The following DNASE2B variants were observed in gnomAD, a reference collection of about 807,000 sequenced individuals.
The protein encoded by DNASE2B is deoxyribonuclease 2 beta, also known as deoxyribonuclease-2-beta.
DNASE2B carries 43 observed loss-of-function variants against 46.0 expected under a neutral mutation model. That is an observed-to-expected ratio of 0.94 (90% CI 0.73 to 1.21). DNASE2B has a LOEUF of 1.21. Ranked by LOEUF, DNASE2B falls within the 50% of genes most tolerant of loss-of-function variation. The pLI, the probability that DNASE2B is intolerant of heterozygous loss-of-function variation, is 0.00. For synonymous variants in DNASE2B, 156 were observed against 152.5 expected (o/e 1.02, Z -0.17); for missense variants, 395 against 414.4 (o/e 0.95, Z 0.41).
In DNASE2B at chr1:84,414,786, G is replaced by A; in HGVS notation, c.1004G>A (p.Ser335Asn). The A allele has an allele frequency of 6.2e-7, 1 of 1,614,170 alleles. No individual in the cohort carries two copies. Among genetic ancestry groups the A allele is most frequent in the South Asian group, 1.1e-5 (1 of 91,074 alleles). Residue 335 changes from serine (S) to asparagine (N), a missense_variant, in exon 6 of 6, where the codon AGT becomes AAT. Transcript: ENST00000370665. The stretch of plus-strand genomic sequence containing the variant: ...CGGAGTCCACACCAAGCCTTCAGAA[G>A]TGGAGGATTCATTTGTACCCAGAAT... Reference protein sequence around the residue: ...LNRSPHQAFRSGGFICTQNWQ... With the variant: ...LNRSPHQAFRNGGFICTQNWQ...
At chr1:84,404,012 A>G (rs1680462046) in intron 2 of DNASE2B, among the ~76,000 whole-genome samples, 1 of 130,258 alleles carries the variant, frequency 7.7e-6, no homozygotes, top group South Asian at 2.4e-4. Flanking sequence ...TCATGATGTT[A>G]CCCAGGCTAG....
chr1:84,411,430 GTGTGTGT>G (rs1680591344), intron 4 of DNASE2B, among the ~76,000 whole-genome samples: 1 of 1,612 alleles, frequency 6.2e-4, no homozygotes, highest in African/African-American at 7.7e-4. Context: ...CCTAGGGTGT[GTGTGTGT>G]GTGTGTGTGT....
At chr1:84,408,915 T>C (rs1297997913) in intron 3 of DNASE2B, among the ~76,000 whole-genome samples, 1 of 151,842 alleles carries the variant, frequency 6.6e-6, no homozygotes, top group African/African-American at 2.4e-5. Flanking sequence ...TATTGAAGTA[T>C]GATTTATAGA....
chr1:84,400,617 G>C (rs556978621), intron 1 of DNASE2B, among the ~76,000 whole-genome samples: 1 of 152,162 alleles, frequency 6.6e-6, no homozygotes, highest in Non-Finnish European at 1.5e-5. Context: ...CATAATTAGA[G>C]ACAGTCACCC....
chr1:84,402,060 T>G lies in DNASE2B; in HGVS notation c.285T>G (p.Tyr95Ter). 2.5e-6 allele frequency: 4 copies of G among 1,605,794 alleles called. No homozygotes were observed. Among genetic ancestry groups the G allele is most frequent in the Non-Finnish European group, 2.5e-6 (3 of 1,177,572 alleles). ...SVLGRTLQQL[Y>*]EAYASKSNNT... is the part of the protein sequence containing the mutation. Reference sequence around the variant, plus strand: ...TGGGAAGGACATTACAACAGCTATATGAAGCATATGCCTCTAAGGTATGTT... The same window carrying G: ...TGGGAAGGACATTACAACAGCTATAGGAAGCATATGCCTCTAAGGTATGTT... The change falls in exon 2 of 6, where the codon TAT (tyrosine) becomes TAG (stop). Residue 95 changes from tyrosine (Y) to a stop codon, truncating the protein, a stop_gained. Transcript: ENST00000370665. LOFTEE classifies it high-confidence loss of function.
rs370138712 is a variant in DNASE2B at position 84,412,464 on chromosome 1, T to G, written c.663T>G (p.Ile221Met). The G allele has an allele frequency of 3.7e-6, 6 of 1,613,894 alleles. No individual in the cohort carries two copies. The African/African-American group carries it at 5.3e-5, about 14-fold the overall frequency. ...GCACCAGGGCCAGCTCATCAGAGAT[T>G]CCTGGCAGGCTCCTCACCACACTTC... Reference protein sequence around the residue: ...QLCTRASSSEIPGRLLTTLQS... With the variant: ...QLCTRASSSEMPGRLLTTLQS... The change falls in exon 5 of 6, where the codon ATT becomes ATG. Residue 221 changes from isoleucine (I) to methionine (M), a missense_variant. By Grantham distance (10) the Ile-to-Met change is conservative. Coordinates refer to ENST00000370665, the MANE Select transcript of DNASE2B (RefSeq NM_021233.3).
intron 5 of DNASE2B, among the ~76,000 whole-genome samples, chr1:84,413,988 C>T (rs1056290131): frequency 1.3e-5 from 2 of 152,212 alleles, no homozygotes; most frequent in African/African-American, 4.8e-5. Flanking sequence ...TGGGTCACAC[C>T]TGTGTTTATT....
At chr1:84,412,227 G>A in intron 4 of DNASE2B, 122 bp from the exon 5 acceptor site, 1 of 929,488 alleles carries the variant, frequency 1.1e-6, no homozygotes, top group Middle Eastern at 3.0e-4. Flanking sequence ...TTGGTTTAAA[G>A]AAAGAAATGC....
chr1:84,410,771 C>A, intron 3 of DNASE2B, 67 bp from the exon 4 acceptor site: 1 of 1,507,064 alleles, frequency 6.6e-7, no homozygotes. Flanking sequence ...AATGTTGCCA[C>A]TGTGAACCCT....
chr1:84,405,587 G>A (rs1029447764), intron 2 of DNASE2B, among the ~76,000 whole-genome samples: 1 of 152,098 alleles, frequency 6.6e-6, no homozygotes. Flanking sequence ...TAGGTCCTAC[G>A]GTTTTATTCA....
At position 84,412,435 on chromosome 1, in the gene DNASE2B, C is replaced by T; in HGVS notation, c.634C>T (p.Leu212=). The change falls in exon 5 of 6, where the codon CTG becomes TTG. Residue 212 remains leucine, a synonymous_variant. Coordinates refer to ENST00000370665, the MANE Select transcript of DNASE2B (RefSeq NM_021233.3). ...FHQELIHMPQ[L]CTRASSSEIP... is the part of the protein sequence containing the mutation. Reference sequence around the variant, plus strand: ...CCAGGAGCTCATTCACATGCCCCAGCTGTGCACCAGGGCCAGCTCATCAGA... The same window carrying T: ...CCAGGAGCTCATTCACATGCCCCAGTTGTGCACCAGGGCCAGCTCATCAGA... 1.2e-6 allele frequency: 2 copies of T among 1,613,936 alleles called. No individual in the cohort carries two copies. The highest frequency in any genetic ancestry group is 1.7e-6 in the Non-Finnish European group (2 of 1,179,908).
rs3754274 is a variant in DNASE2B at position 84,401,927 on chromosome 1, G to A, written c.152G>A (p.Arg51Lys). 423,773 of 1,530,442 alleles carry A rather than the reference G, an allele frequency of 0.28. 61,482 individuals are homozygous for A. Among genetic ancestry groups the A allele is most frequent in the East Asian group, 0.38 (16,038 of 41,904 alleles). 94.8% of individuals were successfully genotyped at this position (1,530,442 alleles called of 1,614,324 possible). ...DWFTFYKLPK[R>K]QNKESGETGL... ...TTTACTTTTTATAAGTTACCTAAAAGACAAAACAAGGAAAGTGGAGAGACT... is the reference window on the plus strand; with the variant it reads ...TTTACTTTTTATAAGTTACCTAAAAAACAAAACAAGGAAAGTGGAGAGACT... Residue 51 changes from arginine (R) to lysine (K), a missense_variant, in exon 2 of 6, where the codon AGA becomes AAA. Transcript: ENST00000370665.
At position 84,414,890 on chromosome 1, in the gene DNASE2B, A is replaced by T; in HGVS notation, c.*22A>T. ...GTAAACTTGGTGAAAGGACACAGGT[A>T]CTATCATTGAAAACCTTGACAATGG... On this transcript the variant is annotated 3_prime_UTR_variant, in exon 6 of 6. Transcript: ENST00000370665. 6.4e-7 allele frequency: 1 copy of T among 1,560,188 alleles called. No homozygotes were observed. The highest frequency in any genetic ancestry group is 8.8e-7 in the Non-Finnish European group (1 of 1,141,620).
intron 4 of DNASE2B, among the ~76,000 whole-genome samples, chr1:84,411,231 T>C (rs1260400178): frequency 1.3e-5 from 2 of 152,094 alleles, no homozygotes; most frequent in Non-Finnish European, 2.9e-5. Flanking sequence ...GTTTCAAATG[T>C]ATTCAGGGGC....
At chr1:84,411,525 G>A (rs1680598630) in intron 4 of DNASE2B, among the ~76,000 whole-genome samples, 1 of 151,482 alleles carries the variant, frequency 6.6e-6, no homozygotes, top group South Asian at 2.1e-4. Context: ...TTCCAAATAT[G>A]AGTTCAATCT....
At chr1:84,406,772 C>A (rs1680498949) in intron 2 of DNASE2B, among the ~76,000 whole-genome samples, 1 of 152,260 alleles carries the variant, frequency 6.6e-6, no homozygotes, top group South Asian at 2.1e-4. Flanking sequence ...TCCTCCACCC[C>A]CTGACCTGGA....
intron 2 of DNASE2B, among the ~76,000 whole-genome samples, chr1:84,406,763 C>T (rs1481485577): frequency 6.6e-6 from 1 of 152,130 alleles, no homozygotes; most frequent in Non-Finnish European, 1.5e-5. Flanking sequence ...GAATATTACT[C>T]CTCCACCCCC....
At chr1:84,411,083 T>C (rs1680583501) in intron 4 of DNASE2B, 84 bp downstream of exon 4, 2 of 1,432,808 alleles carry the variant, frequency 1.4e-6, no homozygotes, top group Non-Finnish European at 1.9e-6. Flanking sequence ...TGTCACTTCA[T>C]TTGTTAATCT....
At chr1:84,398,823 C>G in intron 1 of DNASE2B, 134 bp downstream of exon 1, 1 of 1,341,396 alleles carries the variant, frequency 7.5e-7, no homozygotes, top group Non-Finnish European at 1.0e-6. Flanking sequence ...TTAAAGTGTG[C>G]AAATCGGCCA....
Sources: gnomAD v4.1 joint callset for allele counts (sites outside exome capture counted in the v4.1 genomes callset) on GRCh38, gnomAD v4.1.1 for gene constraint, MANE v1.5 for transcripts, NCBI Gene and HGNC (gene_info 2026-07-23, HGNC 2026-07-21) for gene names.